The following BZW2 variants were observed in gnomAD, a reference collection of about 807,000 sequenced individuals.
The protein encoded by BZW2 is basic leucine zipper and W2 domains 2.
Under a neutral mutation model 53.2 loss-of-function variants are expected in BZW2, and 23 were observed. The ratio of observed to expected loss-of-function variants is 0.43; its 90% CI spans 0.31 to 0.61. BZW2 has a LOEUF of 0.61. BZW2 is among the 20% of genes least tolerant of loss of function. The pLI is 0.09. For missense variants in BZW2, 409 were observed against 503.1 expected (o/e 0.81, Z 1.79); for synonymous variants, 227 against 186.4 (o/e 1.22, Z -1.77).
intron 8 of BZW2, chr7:16,695,723 A>G (rs1208116448): frequency 6.6e-6 from 1 of 151,962 alleles, no homozygotes; most frequent in Non-Finnish European, 1.5e-5. Flanking sequence ...CTTTTTTTCC[A>G]CGTGCTCTAA....
At chr7:16,657,958 T>G (rs1288496687) in intron 1 of BZW2, among the ~76,000 whole-genome samples, 1 of 152,196 alleles carries the variant, frequency 6.6e-6, no homozygotes, top group East Asian at 1.9e-4. Context: ...AACATTATAT[T>G]TGAGGGACGG....
At chr7:16,694,654 T>G (rs1302002665) in intron 7 of BZW2, among the ~76,000 whole-genome samples, 180 bp from the exon 8 acceptor site, 1 of 152,234 alleles carries the variant, frequency 6.6e-6, no homozygotes, top group African/African-American at 2.4e-5. Flanking sequence ...TTTGTGAAAC[T>G]GCCTGATTTC....
At position 16,706,044 on chromosome 7, in the gene BZW2, C is replaced by T. The variant is rs1406151552; in HGVS notation, c.1232-16C>T. The T allele has an allele frequency of 6.2e-7, 1 of 1,613,692 alleles. No individual in the cohort carries two copies. Among genetic ancestry groups the T allele is most frequent in the Admixed American group, 1.7e-5 (1 of 59,974 alleles). On this transcript the variant is annotated splice_polypyrimidine_tract_variant and intron_variant, in intron 11 of 11. Transcript: ENST00000258761. ...GAATCTGGGAGGAAATATCTCACTT[C>T]TTTCTTCTCTCCTAGAATCCGAATC...
chr7:16,698,092 A>G lies in BZW2; in HGVS notation c.1014A>G (p.Ser338=). 1.2e-6 allele frequency: 2 copies of G among 1,614,178 alleles called. No homozygotes were observed. The highest frequency in any genetic ancestry group is 1.7e-6 in the Non-Finnish European group (2 of 1,180,002). ...CCGTGTTCAGCTCCCAAGGCCAGTC[A>G]GAGCTGATCCTCCTCCAGAAGGTTC... is the stretch of plus-strand genomic sequence containing the variant. ...LLAVFSSQGQ[S]ELILLQKVQE... is the part of the protein sequence containing the mutation. Residue 338 remains serine, a synonymous_variant, in exon 10 of 12, where the codon TCA becomes TCG. Coordinates refer to ENST00000258761, the MANE Select transcript of BZW2 (RefSeq NM_014038.3).
intron 5 of BZW2, 101 bp from the exon 6 acceptor site, chr7:16,685,804 G>C: frequency 7.3e-7 from 1 of 1,366,120 alleles, no homozygotes; most frequent in South Asian, 1.6e-5. Context: ...AGCCATGGAT[G>C]TTCACAGTTT....
At chr7:16,678,370 C>T (rs1439483428) in intron 3 of BZW2, among the ~76,000 whole-genome samples, 3 of 151,964 alleles carry the variant, frequency 2.0e-5, no homozygotes, top group African/African-American at 7.2e-5. Flanking sequence ...TAGCAGCTAT[C>T]TTGGTCTTTC....
chr7:16,696,728 T>C (rs1783504116), intron 8 of BZW2, among the ~76,000 whole-genome samples, 187 bp from the exon 9 acceptor site: 1 of 152,254 alleles, frequency 6.6e-6, no homozygotes, highest in East Asian at 1.9e-4. Context: ...TAAAAATAAA[T>C]TTGCTTTGAG....
At chr7:16,668,368 G>T (rs1441391054) in intron 2 of BZW2, among the ~76,000 whole-genome samples, 3 of 152,200 alleles carry the variant, frequency 2.0e-5, no homozygotes, top group Non-Finnish European at 4.4e-5. Context: ...CTGTTGGAGT[G>T]CTCAGGGAGA....
chr7:16,678,087 C>CTTTTTTTT (rs71007780), intron 3 of BZW2, among the ~76,000 whole-genome samples: 95 of 66,850 alleles, frequency 1.4e-3, no homozygotes, highest in Non-Finnish European at 1.7e-3. Flanking sequence ...TTCCATTGTT[C>CTTTTTTTT]TTTTTTTTTT....
intron 5 of BZW2, among the ~76,000 whole-genome samples, chr7:16,684,132 A>C (rs549733067): frequency 2.6e-4 from 40 of 152,340 alleles, no homozygotes; most frequent in African/African-American, 8.2e-4. Context: ...GTGGAATACT[A>C]TGCAGTCTTT....
At chr7:16,665,879 A>G (rs1782408288) in intron 2 of BZW2, among the ~76,000 whole-genome samples, 2 of 152,334 alleles carry the variant, frequency 1.3e-5, no homozygotes, top group South Asian at 4.1e-4. Flanking sequence ...TAAATTAGGA[A>G]GTGAGATATT....
chr7:16,652,110 C>G (rs1374535502), intron 1 of BZW2, among the ~76,000 whole-genome samples: 2 of 152,102 alleles, frequency 1.3e-5, no homozygotes, highest in Non-Finnish European at 2.9e-5. Context: ...CACTGTCTTA[C>G]CAATGCTAGA....
intron 10 of BZW2, among the ~76,000 whole-genome samples, chr7:16,701,761 G>A (rs1192889720): frequency 6.6e-6 from 1 of 152,096 alleles, no homozygotes; most frequent in South Asian, 2.1e-4. Flanking sequence ...CTATAGGGCA[G>A]GTCTTTCATT....
intron 1 of BZW2, among the ~76,000 whole-genome samples, chr7:16,660,504 C>T (rs558339981): frequency 6.6e-6 from 1 of 151,610 alleles, no homozygotes; most frequent in Non-Finnish European, 1.5e-5. Context: ...TTTCCTCACT[C>T]TAGCCACCTG....
chr7:16,703,909 G>C (rs1416502588), intron 10 of BZW2, among the ~76,000 whole-genome samples: 1 of 152,054 alleles, frequency 6.6e-6, no homozygotes, highest in Non-Finnish European at 1.5e-5. Flanking sequence ...TAATGTAGTA[G>C]AGGAAAAATA....
At chr7:16,698,280 C>G (rs1783564921) in intron 10 of BZW2, 94 bp downstream of exon 10, 1 of 1,500,722 alleles carries the variant, frequency 6.7e-7, no homozygotes, top group African/African-American at 1.4e-5. Context: ...TCATGGGGCT[C>G]TGTTTAGAGA....
chr7:16,681,007 G>A (rs2128361433), intron 3 of BZW2, among the ~76,000 whole-genome samples: 1 of 152,254 alleles, frequency 6.6e-6, no homozygotes, highest in East Asian at 1.9e-4. Context: ...AGGAGGCTAA[G>A]GCAGGAGAAT....
chr7:16,693,072 A>G (rs1783365402), intron 7 of BZW2, among the ~76,000 whole-genome samples: 1 of 152,204 alleles, frequency 6.6e-6, no homozygotes. Context: ...TATTCCAAAT[A>G]AGATAGAAAA....
At chr7:16,680,956 T>C (rs576063352) in intron 3 of BZW2, among the ~76,000 whole-genome samples, 2 of 151,676 alleles carry the variant, frequency 1.3e-5, no homozygotes, top group Admixed American at 6.6e-5. Flanking sequence ...ATATAAAAAT[T>C]AGCCAGGCAT....
Sources: gnomAD v4.1 joint callset for allele counts (sites outside exome capture counted in the v4.1 genomes callset) on GRCh38, gnomAD v4.1.1 for gene constraint, MANE v1.5 for transcripts, NCBI Gene and HGNC (gene_info 2026-07-23, HGNC 2026-07-21) for gene names.